Variants in PLXNA4 observed in about 807,000 individuals in gnomAD.
The protein encoded by PLXNA4 is plexin-A4.
PLXNA4 carries 44 observed loss-of-function variants against 191.8 expected under a neutral mutation model. The observed-to-expected ratio is 0.23, with a 90% CI of 0.18 to 0.29. The LOEUF (loss-of-function observed/expected upper bound fraction) is 0.29. Ranked by LOEUF, PLXNA4 falls within the 10% of genes least tolerant of loss-of-function variation. The pLI, the probability that PLXNA4 is intolerant of heterozygous loss-of-function variation, is 1.00. For missense variants in PLXNA4, 1,800 were observed against 2,488.8 expected (o/e 0.72, Z 5.89); for synonymous variants, 1,082 against 1,009.5 (o/e 1.07, Z -1.36).
At chr7:132,564,844 C>T (rs1176069844) in intron 1 of PLXNA4, among the ~76,000 whole-genome samples, 9 of 152,116 alleles carry the variant, frequency 5.9e-5, no homozygotes, top group Non-Finnish European at 2.9e-5. Context: ...GGATGGAGAT[C>T]CCCCCGGGGA....
At chr7:132,170,934 C>G (rs59721636) in intron 21 of PLXNA4, among the ~76,000 whole-genome samples, 1 of 152,144 alleles carries the variant, frequency 6.6e-6, no homozygotes, top group African/African-American at 2.4e-5. Flanking sequence ...CAGGCCACAG[C>G]CCCTGCTGGC....
intron 1 of PLXNA4, among the ~76,000 whole-genome samples, chr7:132,514,609 A>G (rs562980140): frequency 2.6e-5 from 4 of 152,220 alleles, no homozygotes; most frequent in Non-Finnish European, 5.9e-5. Context: ...TAATCAGTTG[A>G]AGGTCATGAA....
intron 25 of PLXNA4, among the ~76,000 whole-genome samples, chr7:132,149,821 C>T (rs1353842527): frequency 6.6e-6 from 1 of 152,208 alleles, no homozygotes; most frequent in African/African-American, 2.4e-5. Flanking sequence ...AGATTCTCTT[C>T]CTCGTTTCCC....
At chr7:132,279,011 G>A (rs1299291206) in intron 4 of PLXNA4, among the ~76,000 whole-genome samples, 4 of 152,208 alleles carry the variant, frequency 2.6e-5, no homozygotes, top group African/African-American at 9.6e-5. Context: ...CAAACTGCAG[G>A]TGGTGATAAC....
chr7:132,164,047 G>C (rs1796024839), intron 24 of PLXNA4, 95 bp downstream of exon 24: 4 of 1,548,570 alleles, frequency 2.6e-6, no homozygotes, highest in African/African-American at 2.7e-5. Context: ...AGAGGCAGCT[G>C]TTCAGCCTTT....
intron 2 of PLXNA4, among the ~76,000 whole-genome samples, chr7:132,583,847 G>A (rs976848575): frequency 8.5e-5 from 13 of 152,200 alleles, no homozygotes; most frequent in Admixed American, 4.6e-4. Flanking sequence ...GAGAGAGCAG[G>A]GACCCTCGAA....
intron 3 of PLXNA4, among the ~76,000 whole-genome samples, chr7:132,349,919 A>C (rs1803414223): frequency 6.6e-6 from 1 of 151,992 alleles, no homozygotes; most frequent in African/African-American, 2.4e-5. Context: ...TTGATGGCTC[A>C]GGAGTAAATA....
At chr7:132,638,450 G>A (rs147732781) in intron 2 of PLXNA4, among the ~76,000 whole-genome samples, 1,997 of 152,240 alleles carry the variant, frequency 0.013, 66 homozygotes, top group African/African-American at 0.046. Flanking sequence ...TCAGGAGTTC[G>A]AGACCAGCCT....
At chr7:132,259,482 G>GAAAAAA (rs1414792493) in intron 4 of PLXNA4, among the ~76,000 whole-genome samples, 7 of 111,356 alleles carry the variant, frequency 6.3e-5, no homozygotes, top group African/African-American at 1.8e-4. Context: ...AAGAAAAAAG[G>GAAAAAA]AAAAAAGAAA....
intron 3 of PLXNA4, among the ~76,000 whole-genome samples, chr7:132,420,376 C>T (rs903086415): frequency 1.3e-5 from 2 of 152,160 alleles, no homozygotes; most frequent in Non-Finnish European, 2.9e-5. Context: ...GAGCCTCTGC[C>T]CTTTCTAATA....
Position 132,176,196 on chromosome 7 carries a change from T to C in PLXNA4, c.3875-1276A>G, listed in dbSNP as rs377495370. On this transcript the variant is annotated intron_variant, in intron 20 of 31. Coordinates refer to ENST00000321063, the MANE Select transcript of PLXNA4 (RefSeq NM_020911.2). ...TGCTTGTTTGAGAGAGCCAAGGGGATGCCACCTGGAGAGTCCTCTGCAGCC... is the reference window on the plus strand; with the variant it reads ...TGCTTGTTTGAGAGAGCCAAGGGGACGCCACCTGGAGAGTCCTCTGCAGCC... 2.6e-5 allele frequency among the ~76,000 whole-genome samples: 4 copies of C among 152,322 alleles called. No individual in the cohort carries two copies. The East Asian group carries it at 7.7e-4, about 29-fold the overall frequency.
At chr7:132,610,043 G>A (rs1432110393) in intron 2 of PLXNA4, among the ~76,000 whole-genome samples, 1 of 152,128 alleles carries the variant, frequency 6.6e-6, no homozygotes, top group Non-Finnish European at 1.5e-5. Flanking sequence ...TTGTAATTAT[G>A]CCCAGCTCTC....
chr7:132,325,223 G>T (rs1802312821), intron 3 of PLXNA4, among the ~76,000 whole-genome samples: 1 of 152,168 alleles, frequency 6.6e-6, no homozygotes, highest in Non-Finnish European at 1.5e-5. Context: ...CTCTGGACCT[G>T]GGGTGTGAAC....
chr7:132,516,260 ATTTG>A (rs940198861), intron 1 of PLXNA4, among the ~76,000 whole-genome samples: 15 of 148,248 alleles, frequency 1.0e-4, no homozygotes, highest in African/African-American at 2.0e-4. Flanking sequence ...TTATTTATTT[ATTTG>A]TATTTAAAGG....
chr7:132,201,944 C>T (rs1161920510), intron 12 of PLXNA4, among the ~76,000 whole-genome samples: 2 of 152,168 alleles, frequency 1.3e-5, no homozygotes, highest in African/African-American at 4.8e-5. Flanking sequence ...GAAATCCTTC[C>T]AGCTCCCATG....
chr7:132,136,649 A>G (rs562113749), intron 30 of PLXNA4, among the ~76,000 whole-genome samples: 56 of 152,150 alleles, frequency 3.7e-4, no homozygotes, highest in Non-Finnish European at 7.5e-4. Context: ...GGGTAGTGGG[A>G]TGCCAGCAGA....
intron 9 of PLXNA4, among the ~76,000 whole-genome samples, chr7:132,212,072 C>A (rs1797820978): frequency 6.6e-6 from 1 of 152,208 alleles, no homozygotes; most frequent in Admixed American, 6.5e-5. Context: ...ATAACACAAG[C>A]ATGGCCTGGG....
At chr7:132,599,110 G>A (rs1159701779) in intron 2 of PLXNA4, among the ~76,000 whole-genome samples, 3 of 152,034 alleles carry the variant, frequency 2.0e-5, no homozygotes, top group East Asian at 3.9e-4. Context: ...TTTTTTGGCT[G>A]TTCTTGCCTG....
At chr7:132,450,447 C>T (rs1796077748) in intron 3 of PLXNA4, among the ~76,000 whole-genome samples, 7 of 152,102 alleles carry the variant, frequency 4.6e-5, no homozygotes, top group South Asian at 2.1e-4. Context: ...GAACCAATAC[C>T]GTAAATGCCT....
Sources: allele counts gnomAD v4.1 joint callset (sites outside exome capture counted in the v4.1 genomes callset), GRCh38; gene constraint gnomAD v4.1.1; transcripts MANE v1.5; gene names NCBI Gene and HGNC (gene_info 2026-07-23, HGNC 2026-07-21).